Variants in MED25 observed in about 807,000 individuals in gnomAD.
MED25 encodes the protein mediator complex subunit 25.
Under a neutral mutation model 89.4 loss-of-function variants are expected in MED25, and 62 were observed. The observed-to-expected ratio is 0.69, with a 90% CI of 0.57 to 0.86. The LOEUF is 0.86. Among genes scored for constraint, MED25 ranks in the 40% least tolerant of loss-of-function variants. The pLI is 0.00. For missense variants in MED25, 905 were observed against 1,005.2 expected (o/e 0.90, Z 1.35); for synonymous variants, 449 against 427.9 (o/e 1.05, Z -0.61).
intron 3 of MED25, chr19:49,819,562 G>T (rs1236469291): frequency 8.8e-6 from 4 of 456,214 alleles, no homozygotes; most frequent in African/African-American, 6.0e-5. Flanking sequence ...GAGGGTGATT[G>T]TGTTTTTGTC....
chr19:49,818,563 C>G lies in MED25; in HGVS notation c.135-8C>G. On this transcript the variant is annotated splice_polypyrimidine_tract_variant and splice_region_variant and intron_variant, in intron 1 of 17. Transcript: ENST00000312865. ...CTGACTCCGACCTTTCACTTCCTAC[C>G]CTCACAGGTATTTTAATGGTGGTCC... 1 of 1,614,200 alleles carries G rather than the reference C, an allele frequency of 6.2e-7. No homozygotes were observed. The highest frequency in any genetic ancestry group is 8.5e-7 in the Non-Finnish European group (1 of 1,180,036).
chr19:49,837,404 G>C (rs1423848096), downstream of MED25, among the ~76,000 whole-genome samples: 2 of 152,254 alleles, frequency 1.3e-5, no homozygotes, highest in Admixed American at 1.3e-4. Context: ...TGGAGCATGA[G>C]CATGTAGGGA....
chr19:49,820,388 C>T (rs1035586219), intron 3 of MED25, among the ~76,000 whole-genome samples: 2 of 152,246 alleles, frequency 1.3e-5, no homozygotes, highest in African/African-American at 4.8e-5. Context: ...TGCACATAAC[C>T]GTTGCTATGC....
rs775449916 is a variant in MED25 at position 49,818,389 on chromosome 19, C to T, written c.48C>T (p.Ala16=). 8 of 1,613,152 alleles carry T rather than the reference C, an allele frequency of 5.0e-6. No individual in the cohort carries two copies. The highest frequency in any genetic ancestry group is 5.1e-6 in the Non-Finnish European group (6 of 1,179,624). The stretch of plus-strand genomic sequence containing the variant: ...CGGCCCGCGCCGGGAGCGTGGTGGC[C>T]GACGTGGTGTTTGTGATTGAGGGTA... ...EGPARAGSVV[A]DVVFVIEGTA... is the part of the protein sequence containing the mutation. The change falls in exon 1 of 18, where the codon GCC becomes GCT. Residue 16 remains alanine, a synonymous_variant. Transcript: ENST00000312865.
rs1428217117 is a variant in MED25, at chr19:49,836,923, C to T, written c.2223C>T (p.Asp741=). 6.2e-7 allele frequency: 1 copy of T among 1,613,022 alleles called. No individual in the cohort carries two copies. The highest frequency in any genetic ancestry group is 1.1e-5 in the South Asian group (1 of 90,980). Residue 741 remains aspartate, a synonymous_variant, in exon 18 of 18, where the codon GAC becomes GAT. Transcript: ENST00000312865. This position sits in a 1 kb window ranked among gnomAD's most constrained non-coding sequence, Gnocchi z 5.1. ...PGLQPSVMED[D]ILMDLI ...TGCAGCCCAGCGTCATGGAGGACGA[C>T]ATCCTCATGGATCTCATCTGAATCC...
intron 3 of MED25, among the ~76,000 whole-genome samples, chr19:49,820,600 CTA>C (rs1455042123): frequency 6.6e-6 from 1 of 152,206 alleles, no homozygotes; most frequent in Admixed American, 6.5e-5. Flanking sequence ...TTTCTTCTCT[CTA>C]TGTTGAGGGA....
rs1399835892 is a variant in MED25, at chr19:49,836,572, C to CATG, written c.2146+167_2146+169dup. On this transcript the variant is annotated intron_variant, in intron 17 of 17. Transcript: ENST00000312865. This position sits in a 1 kb window ranked among gnomAD's most constrained non-coding sequence, Gnocchi z 5.1. ...CTGAGGGCTCCGGGAAAGTACAGCCCATGGGTCCAAGGACCTAGTGGGTTA... is the reference window on the plus strand; with the variant it reads ...CTGAGGGCTCCGGGAAAGTACAGCCCATGATGGGTCCAAGGACCTAGTGGGTTA... The CATG allele has an allele frequency of 2.3e-6, 2 of 877,688 alleles. No individual in the cohort carries two copies. The highest frequency in any genetic ancestry group is 1.9e-6 in the Non-Finnish European group (1 of 535,232). The allele number at this position is 877,688 out of a possible 1,614,324, so 54.4% of individuals were successfully genotyped here.
rs748342979 is a variant in MED25, at chr19:49,831,736, T to C, written c.1231-200T>C. Among the ~76,000 whole-genome samples the C allele has an allele frequency of 1.1e-4, 17 of 151,650 alleles. No homozygotes were observed. Among genetic ancestry groups the C allele is most frequent in the Non-Finnish European group, 2.4e-4 (16 of 67,906 alleles). ...GATGTATCATCTGGGGCACAGTGGA[T>C]GGTGGGATTTAGGGGCCGGGCACGT... On this transcript the variant is annotated intron_variant, in intron 10 of 17. Transcript: ENST00000312865. The surrounding 1 kb of genome is among the most constrained non-coding windows in gnomAD (Gnocchi z 5.0).
chr19:49,823,435 T>C (rs771248496), intron 3 of MED25, among the ~76,000 whole-genome samples: 10 of 152,198 alleles, frequency 6.6e-5, no homozygotes, highest in Non-Finnish European at 8.8e-5. Context: ...TGATGTTTAA[T>C]ACAGTGCCTG....
Position 49,829,973 on chromosome 19 carries a change from G to A in MED25, c.688+25G>A. The A allele has an allele frequency of 6.2e-7, 1 of 1,603,294 alleles. No homozygotes were observed. Among genetic ancestry groups the A allele is most frequent in the Admixed American group, 1.7e-5 (1 of 59,774 alleles). ...GGTGAGGCCTGGGCACCGTGCGCGG[G>A]GATGGGGGCTCGACGTGTTTCCCCA... On this transcript the variant is annotated intron_variant, in intron 6 of 17. Coordinates refer to ENST00000312865, the MANE Select transcript of MED25 (RefSeq NM_030973.4). This position sits in a 1 kb window ranked among gnomAD's most constrained non-coding sequence, Gnocchi z 4.6.
Position 49,834,973 on chromosome 19 carries a change from G to C in MED25, c.1483-13G>C, listed in dbSNP as rs886054581. The C allele has an allele frequency of 6.2e-7, 1 of 1,613,662 alleles. No individual in the cohort carries two copies. The highest frequency in any genetic ancestry group is 1.7e-5 in the Admixed American group (1 of 59,994). ...AGGGCCTGAATGGTTCTGAAGAGCT[G>C]TTGTCCACCCAGGCGGGCTGCGTGC... On this transcript the variant is annotated splice_polypyrimidine_tract_variant and intron_variant, in intron 13 of 17. Transcript: ENST00000312865. This position sits in a 1 kb window ranked among gnomAD's most constrained non-coding sequence, Gnocchi z 4.1.
downstream of MED25, chr19:49,838,478 CAG>C (rs1285187468): frequency 3.1e-5 from 13 of 425,574 alleles, no homozygotes; most frequent in East Asian, 7.7e-4. Flanking sequence ...CCCTGTGAGG[CAG>C]AGAGTCACTG....
In MED25 at chr19:49,835,242, C is replaced by T; in HGVS notation, c.1674+65C>T. 1 of 1,552,204 alleles carries T rather than the reference C, an allele frequency of 6.4e-7. No individual in the cohort carries two copies. The highest frequency in any genetic ancestry group is 8.9e-7 in the Non-Finnish European group (1 of 1,124,648). On this transcript the variant is annotated intron_variant, in intron 14 of 17. Transcript: ENST00000312865. This position sits in a 1 kb window ranked among gnomAD's most constrained non-coding sequence, Gnocchi z 6.2. ...TCCTGCCCGGGCCCCACATGGCCCC[C>T]TGGGGTCTCCAGGACCAAGATGCCC...
rs763665593 is a variant in MED25 at position 49,831,359 on chromosome 19, G to T, written c.1128G>T (p.Val376=). The T allele has an allele frequency of 6.2e-7, 1 of 1,611,108 alleles. No individual in the cohort carries two copies. Among genetic ancestry groups the T allele is most frequent in the Non-Finnish European group, 8.5e-7 (1 of 1,178,926 alleles). Residue 376 remains valine, a synonymous_variant, in exon 10 of 18, where the codon GTG becomes GTT. Transcript: ENST00000312865. This position sits in a 1 kb window ranked among gnomAD's most constrained non-coding sequence, Gnocchi z 5.0. Reference sequence around the variant, plus strand: ...CAGGCACTGTGGCCCCAGGAGGGGTGAGCGGCCCTTCCCCAGCCCAGCTGG... The same window carrying T: ...CAGGCACTGTGGCCCCAGGAGGGGTTAGCGGCCCTTCCCCAGCCCAGCTGG... The part of the protein sequence containing the change: ...SMAGTVAPGG[V]SGPSPAQLGA...
intron 3 of MED25, among the ~76,000 whole-genome samples, chr19:49,820,710 A>G (rs2073975820): frequency 2.0e-5 from 3 of 152,216 alleles, no homozygotes; most frequent in Admixed American, 2.0e-4. Context: ...AAGTCAGCCT[A>G]ATACATAGAA....
intron 3 of MED25, among the ~76,000 whole-genome samples, chr19:49,822,081 G>A (rs1374538387): frequency 6.6e-6 from 1 of 151,408 alleles, no homozygotes; most frequent in Non-Finnish European, 1.5e-5. Context: ...GGCTAACACG[G>A]TGAAACCCCG....
rs1215424386 is a variant in MED25 at position 49,834,592 on chromosome 19, C to A, written c.1483-394C>A. On this transcript the variant is annotated intron_variant, in intron 13 of 17. Coordinates refer to ENST00000312865, the MANE Select transcript of MED25 (RefSeq NM_030973.4). The surrounding 1 kb of genome is among the most constrained non-coding windows in gnomAD (Gnocchi z 4.1). ...TCTTGGATACCCGGGGTCCGACCCA[C>A]CGTTGATCACAGGCCTGTGGGTACC... 3.1e-6 allele frequency: 1 copy of A among 318,886 alleles called. No homozygotes were observed. Among genetic ancestry groups the A allele is most frequent in the East Asian group, 7.8e-5 (1 of 12,824 alleles). The allele number at this position is 318,886 out of a possible 1,614,324, so 19.8% of individuals were successfully genotyped here. A position where few individuals can be genotyped will look rare whatever the true frequency, so the allele number is the denominator to read the frequency against.
chr19:49,828,572 G>A (rs543185202), intron 4 of MED25, 25 bp downstream of exon 4: 141 of 1,572,952 alleles, frequency 9.0e-5, no homozygotes, highest in Admixed American at 1.2e-4. Flanking sequence ...CACCCAGGCC[G>A]GGCCGGTCTC....
rs1283356479 is a variant in MED25 at position 49,836,293 on chromosome 19, T to TGCTGCCTCCGCC, written c.2036_2047dup (p.Leu679_Pro682dup). 6.2e-7 allele frequency: 1 copy of TGCTGCCTCCGCC among 1,611,750 alleles called. No homozygotes were observed. Among genetic ancestry groups the TGCTGCCTCCGCC allele is most frequent in the Non-Finnish European group, 8.5e-7 (1 of 1,179,568 alleles). ...CTCCAGCCACCAGGGGCTCCTGCGC[T>TGCTGCCTCCGCC]GCTGCCTCCGCCGCACCAGGGCCTG... On this transcript the variant is annotated inframe_insertion, in exon 17 of 18. Transcript: ENST00000312865. The surrounding 1 kb of genome is among the most constrained non-coding windows in gnomAD (Gnocchi z 5.1).
Sources: gnomAD v4.1 joint callset for allele counts (sites outside exome capture counted in the v4.1 genomes callset) on GRCh38, gnomAD v4.1.1 for gene constraint, Gnocchi (gnomAD v3.1) non-coding constraint, MANE v1.5 for transcripts, NCBI Gene and HGNC (gene_info 2026-07-23, HGNC 2026-07-21) for gene names.